Variants in IFT43 observed in about 807,000 individuals in gnomAD.
IFT43 encodes the protein intraflagellar transport protein 43 homolog.
In IFT43, 33 loss-of-function variants were observed where a neutral mutation model predicts 32.3. That is an observed-to-expected ratio of 1.02 (90% CI 0.77 to 1.37). The LOEUF (loss-of-function observed/expected upper bound fraction) is 1.37, where lower values mean the gene tolerates loss of function less well. Ranked by LOEUF, IFT43 falls within the 40% of genes most tolerant of loss-of-function variation. The pLI, the probability that IFT43 is intolerant of heterozygous loss-of-function variation, is 0.00. For missense variants in IFT43, 274 were observed against 265.9 expected (o/e 1.03, Z -0.21); for synonymous variants, 93 against 98.2 (o/e 0.95, Z 0.31).
In IFT43 at chr14:76,038,609, A is replaced by G. The variant is rs532071681; in HGVS notation, c.215+16215A>G. On this transcript the variant is annotated intron_variant, in intron 3 of 8. Coordinates refer to ENST00000314067, the MANE Select transcript of IFT43 (RefSeq NM_001102564.3). The stretch of plus-strand genomic sequence containing the variant: ...AGAGAATCCACAGTTATTTTGAAAA[A>G]TTGGGATTCAGTTGCATTGTTTATT... Among the ~76,000 whole-genome samples, 8 of 152,298 alleles carry G rather than the reference A, an allele frequency of 5.3e-5. No homozygotes were observed. The East Asian group carries it at 1.5e-3, about 29-fold the overall frequency.
chr14:76,067,025 T>C (rs1434346307), intron 5 of IFT43, among the ~76,000 whole-genome samples: 2 of 152,246 alleles, frequency 1.3e-5, no homozygotes, highest in Non-Finnish European at 2.9e-5. Context: ...CAGGAGCTTC[T>C]GATCCAGTGA....
In IFT43 at chr14:76,078,732, C is replaced by T. The variant is rs190744516; in HGVS notation, c.296-3563C>T. ...GAGCAGTGCGGCCGTGTGACGGTGGCACTGCCTGCCGGGGAAGCTGGGGAT... is the reference window on the plus strand; with the variant it reads ...GAGCAGTGCGGCCGTGTGACGGTGGTACTGCCTGCCGGGGAAGCTGGGGAT... On this transcript the variant is annotated intron_variant, in intron 5 of 8. Coordinates refer to ENST00000314067, the MANE Select transcript of IFT43 (RefSeq NM_001102564.3). 2.5e-3 allele frequency among the ~76,000 whole-genome samples: 385 copies of T among 152,324 alleles called. 2 individuals are homozygous for T. The highest frequency in any genetic ancestry group is 8.6e-3 in the African/African-American group (356 of 41,574).
chr14:76,050,749 C>T (rs958801166), intron 3 of IFT43, among the ~76,000 whole-genome samples: 4 of 152,118 alleles, frequency 2.6e-5, no homozygotes, highest in Non-Finnish European at 5.9e-5. Flanking sequence ...CCCAACACCT[C>T]TCACTCCTGC....
At chr14:76,035,056 G>A (rs1336127448) in intron 3 of IFT43, among the ~76,000 whole-genome samples, 1 of 152,310 alleles carries the variant, frequency 6.6e-6, no homozygotes, top group African/African-American at 2.4e-5. Context: ...AATGAGGCAA[G>A]TAATGGCCCC....
chr14:76,075,106 C>G (rs1390648907), intron 5 of IFT43, among the ~76,000 whole-genome samples: 1 of 152,238 alleles, frequency 6.6e-6, no homozygotes, highest in Non-Finnish European at 1.5e-5. Context: ...CCTCAGGGAC[C>G]TGCTCCTGCA....
At chr14:76,034,241 T>C (rs750216308) in intron 3 of IFT43, among the ~76,000 whole-genome samples, 17 of 152,204 alleles carry the variant, frequency 1.1e-4, no homozygotes, top group African/African-American at 1.4e-4. Flanking sequence ...CAGGGTGCCA[T>C]TGTGGTTGGG....
At chr14:76,058,973 A>G in intron 4 of IFT43, 1 of 1,434,320 alleles carries the variant, frequency 7.0e-7, no homozygotes, top group Non-Finnish European at 9.1e-7. Flanking sequence ...GGCAGAAGCA[A>G]TACCAGCTTC....
At chr14:76,002,917 T>C (rs765232276) in intron 2 of IFT43, among the ~76,000 whole-genome samples, 10 of 152,114 alleles carry the variant, frequency 6.6e-5, no homozygotes, top group African/African-American at 2.2e-4. Flanking sequence ...GGCAAGGAGA[T>C]GTAGAGAGTG....
At chr14:76,000,162 T>A (rs2035854984) in intron 2 of IFT43, among the ~76,000 whole-genome samples, 1 of 152,244 alleles carries the variant, frequency 6.6e-6, no homozygotes, top group Non-Finnish European at 1.5e-5. Flanking sequence ...AACTTTCCTT[T>A]TATACTTAAA....
chr14:76,070,937 A>G (rs1226349573), intron 5 of IFT43, among the ~76,000 whole-genome samples: 1 of 152,166 alleles, frequency 6.6e-6, no homozygotes, highest in African/African-American at 2.4e-5. Context: ...TTTACAAATT[A>G]CAGTTTCAAG....
chr14:76,005,856 A>G (rs1195098889), intron 2 of IFT43, among the ~76,000 whole-genome samples: 7 of 151,878 alleles, frequency 4.6e-5, no homozygotes, highest in Admixed American at 2.0e-4. Flanking sequence ...TAGTGGTTTT[A>G]TATGTTTTGT....
intron 4 of IFT43, 105 bp downstream of exon 4, chr14:76,058,779 A>G: frequency 6.3e-7 from 1 of 1,598,296 alleles, no homozygotes; most frequent in Admixed American, 1.7e-5. Context: ...ACACTGTGTT[A>G]GAAGTCTGGG....
At chr14:76,051,643 A>G (rs989613551) in intron 3 of IFT43, among the ~76,000 whole-genome samples, 3 of 152,194 alleles carry the variant, frequency 2.0e-5, no homozygotes, top group African/African-American at 7.2e-5. Flanking sequence ...TTTGGAGGCA[A>G]CTGTGAGATT....
chr14:76,027,449 G>A (rs867439134), intron 3 of IFT43, among the ~76,000 whole-genome samples: 4 of 152,038 alleles, frequency 2.6e-5, no homozygotes, highest in Non-Finnish European at 4.4e-5. Flanking sequence ...TCGGCCGGGC[G>A]CAGTGGCTCA....
At chr14:76,020,621 G>A (rs1256120283) in intron 2 of IFT43, among the ~76,000 whole-genome samples, 1 of 152,190 alleles carries the variant, frequency 6.6e-6, no homozygotes, top group African/African-American at 2.4e-5. Context: ...ATCTTCAGCT[G>A]TAATCAGCAT....
chr14:76,067,916 C>T (rs1343485569), intron 5 of IFT43, among the ~76,000 whole-genome samples: 1 of 152,168 alleles, frequency 6.6e-6, no homozygotes, highest in Non-Finnish European at 1.5e-5. Context: ...ATAAGCAGAA[C>T]AAAATGTATC....
intron 3 of IFT43, among the ~76,000 whole-genome samples, chr14:76,033,751 C>T (rs1480003018): frequency 1.3e-5 from 2 of 152,172 alleles, no homozygotes; most frequent in East Asian, 1.9e-4. Context: ...GATATACTTC[C>T]TGTCCCGCAA....
intron 2 of IFT43, among the ~76,000 whole-genome samples, chr14:75,999,880 G>A (rs2035849942): frequency 6.6e-6 from 1 of 152,192 alleles, no homozygotes; most frequent in Non-Finnish European, 1.5e-5. Context: ...TATGTTGTAG[G>A]GAGCCCACAA....
chr14:76,063,794 T>C (rs763435977), intron 5 of IFT43, among the ~76,000 whole-genome samples: 3 of 152,136 alleles, frequency 2.0e-5, no homozygotes, highest in Non-Finnish European at 4.4e-5. Context: ...TCTCTGATAA[T>C]CACAAGACTA....
Sources: gnomAD v4.1 joint callset for allele counts (sites outside exome capture counted in the v4.1 genomes callset) on GRCh38, gnomAD v4.1.1 for gene constraint, MANE v1.5 for transcripts, NCBI Gene and HGNC (gene_info 2026-07-23, HGNC 2026-07-21) for gene names.